The following JCAD variants were observed in gnomAD, a reference collection of about 807,000 sequenced individuals.
JCAD encodes junctional cadherin 5-associated protein.
JCAD carries 40 observed loss-of-function variants against 98.0 expected under a neutral mutation model. The ratio of observed to expected loss-of-function variants is 0.41; its 90% CI spans 0.32 to 0.53. The LOEUF is 0.53. JCAD is among the 20% of genes least tolerant of loss of function. JCAD has a pLI of 0.31. For synonymous variants in JCAD, 691 were observed against 682.3 expected (o/e 1.01, Z -0.20); for missense variants, 1,705 against 1,738.1 (o/e 0.98, Z 0.34).
At chr10:30,078,738 G>C (rs1838023509) in intron 1 of JCAD, among the ~76,000 whole-genome samples, 1 of 152,224 alleles carries the variant, frequency 6.6e-6, no homozygotes, top group East Asian at 1.9e-4. Flanking sequence ...CTTTTTAGAA[G>C]TAGATGTATC....
chr10:30,045,439 A>C (rs1837314747), intron 2 of JCAD, among the ~76,000 whole-genome samples: 2 of 152,226 alleles, frequency 1.3e-5, no homozygotes, highest in African/African-American at 4.8e-5. Flanking sequence ...AAATAACCAT[A>C]TATGCCCTGT....
chr10:30,025,949 T>C, intron 3 of JCAD, 154 bp downstream of exon 3: 1 of 869,252 alleles, frequency 1.2e-6, no homozygotes, highest in Non-Finnish European at 1.8e-6. Flanking sequence ...GGATAATTCT[T>C]CGAAAATGAG....
At chr10:30,046,425 C>T (rs2487929) in intron 2 of JCAD, among the ~76,000 whole-genome samples, 134,955 of 152,200 alleles carry the variant, frequency 0.89, 60,341 homozygotes, top group African/African-American at 0.93. Flanking sequence ...GGCCAGTGTG[C>T]GTGCAAGGAA....
At chr10:30,057,113 T>C (rs966670113) in intron 1 of JCAD, among the ~76,000 whole-genome samples, 2 of 152,162 alleles carry the variant, frequency 1.3e-5, no homozygotes, top group African/African-American at 4.8e-5. Context: ...CTTATCAAAA[T>C]AAAAAACACA....
At position 30,016,531 on chromosome 10, in the gene JCAD, C is replaced by T. The variant is rs1349281147; in HGVS notation, c.*1352G>A. The T allele has an allele frequency of 6.6e-6, 1 of 152,034 alleles. No homozygotes were observed. The highest frequency in any genetic ancestry group is 1.5e-5 in the Non-Finnish European group (1 of 68,006). 9.4% of individuals were successfully genotyped at this position (152,034 alleles called of 1,614,324 possible). A position where few individuals can be genotyped will look rare whatever the true frequency, so the allele number is the denominator to read the frequency against. On this transcript the variant is annotated 3_prime_UTR_variant, in exon 4 of 4. Coordinates refer to ENST00000375377, the MANE Select transcript of JCAD (RefSeq NM_020848.4). Reference sequence around the variant, plus strand: ...GTGCAGGTTAATGCAGTATTAAACACAGTAGAATACATAGGCCTCATAATG... The same window carrying T: ...GTGCAGGTTAATGCAGTATTAAACATAGTAGAATACATAGGCCTCATAATG...
At chr10:30,075,755 A>G (rs1360269041) in intron 1 of JCAD, among the ~76,000 whole-genome samples, 1 of 152,192 alleles carries the variant, frequency 6.6e-6, no homozygotes, top group African/African-American at 2.4e-5. Flanking sequence ...CAGGAAGGGG[A>G]AAAATGCATT....
intron 3 of JCAD, among the ~76,000 whole-genome samples, chr10:30,024,079 C>T (rs1415914607): frequency 1.3e-5 from 2 of 152,118 alleles, no homozygotes; most frequent in Admixed American, 6.5e-5. Context: ...GCAGGACAAT[C>T]GCTTGAGCCT....
rs1488696839 is a variant in JCAD, at chr10:30,016,496, C to T, written c.*1387G>A. On this transcript the variant is annotated 3_prime_UTR_variant, in exon 4 of 4. Coordinates refer to ENST00000375377, the MANE Select transcript of JCAD (RefSeq NM_020848.4). ...AAGGAAAAAAATGCATGAAAAAATG[C>T]ATAAACTTTGTGCAGGTTAATGCAG... 2 of 152,002 alleles carry T rather than the reference C, an allele frequency of 1.3e-5. No individual in the cohort carries two copies. 9.4% of individuals were successfully genotyped at this position (152,002 alleles called of 1,614,324 possible).
At chr10:30,075,216 C>G (rs554650239) in intron 1 of JCAD, among the ~76,000 whole-genome samples, 2 of 152,260 alleles carry the variant, frequency 1.3e-5, no homozygotes, top group East Asian at 3.9e-4. Flanking sequence ...CTGAATGAAA[C>G]AGGTTGGAGT....
intron 1 of JCAD, among the ~76,000 whole-genome samples, chr10:30,077,155 T>G (rs1052101917): frequency 6.6e-6 from 1 of 152,176 alleles, no homozygotes; most frequent in African/African-American, 2.4e-5. Context: ...CTAGTCTTCT[T>G]GGGCACAAGG....
intron 1 of JCAD, among the ~76,000 whole-genome samples, chr10:30,101,396 G>A (rs1364179775): frequency 2.0e-5 from 3 of 152,152 alleles, no homozygotes; most frequent in South Asian, 2.1e-4. Flanking sequence ...GTGACAGAGC[G>A]AGACTCAGTC....
intron 1 of JCAD, among the ~76,000 whole-genome samples, chr10:30,079,070 C>T (rs1231052562): frequency 2.0e-5 from 3 of 152,094 alleles, no homozygotes; most frequent in Non-Finnish European, 2.9e-5. Flanking sequence ...GTAATGCCAG[C>T]CTAGAAATCT....
chr10:30,105,841 T>C (rs1838568586), intron 1 of JCAD, among the ~76,000 whole-genome samples: 2 of 152,194 alleles, frequency 1.3e-5, no homozygotes, highest in Non-Finnish European at 2.9e-5. Context: ...ACGACTGCTT[T>C]TGATAAGTGT....
chr10:30,044,588 A>G (rs141330954), intron 2 of JCAD, among the ~76,000 whole-genome samples: 4 of 151,976 alleles, frequency 2.6e-5, no homozygotes, highest in African/African-American at 9.6e-5. Context: ...GCAAGACCAC[A>G]GCTGTGCTTT....
rs1836457998 is a variant in JCAD at position 30,013,122 on chromosome 10, G to A, written c.*4761C>T. 1.3e-5 allele frequency: 2 copies of A among 152,188 alleles called. No individual in the cohort carries two copies. The highest frequency in any genetic ancestry group is 6.5e-5 in the Admixed American group (1 of 15,270). The allele number at this position is 152,188 out of a possible 1,614,324, so 9.4% of individuals were successfully genotyped here. A position where few individuals can be genotyped will look rare whatever the true frequency, so the allele number is the denominator to read the frequency against. The stretch of plus-strand genomic sequence containing the variant: ...TTTCTACCTGTCTTAGGTATTAATG[G>A]TGCCCAAAGAAAAAATGAAGAGATG... On this transcript the variant is annotated 3_prime_UTR_variant, in exon 4 of 4. Transcript: ENST00000375377.
chr10:30,049,392 A>G (rs888776636), intron 1 of JCAD, among the ~76,000 whole-genome samples: 2 of 152,164 alleles, frequency 1.3e-5, no homozygotes, highest in Non-Finnish European at 2.9e-5. Flanking sequence ...GCTTCCTGTC[A>G]CTGGGAGCTC....
At chr10:30,045,685 G>C (rs1188613491) in intron 2 of JCAD, among the ~76,000 whole-genome samples, 1 of 152,178 alleles carries the variant, frequency 6.6e-6, no homozygotes, top group Non-Finnish European at 1.5e-5. Flanking sequence ...AGAAAGTGAA[G>C]GCCTTGACAG....
intron 1 of JCAD, among the ~76,000 whole-genome samples, chr10:30,089,453 C>T (rs183155597): frequency 3.1e-4 from 47 of 151,276 alleles, no homozygotes; most frequent in African/African-American, 8.8e-4. Flanking sequence ...GCTGTGTTTC[C>T]GTCTGTCAAA....
At chr10:30,084,866 T>C (rs12775951) in intron 1 of JCAD, among the ~76,000 whole-genome samples, 10 of 152,240 alleles carry the variant, frequency 6.6e-5, no homozygotes, top group African/African-American at 2.4e-4. Flanking sequence ...TCCATCTATC[T>C]ATCCATCTAC....
Sources: allele counts gnomAD v4.1 joint callset (sites outside exome capture counted in the v4.1 genomes callset), GRCh38; gene constraint gnomAD v4.1.1; transcripts MANE v1.5; gene names NCBI Gene and HGNC (gene_info 2026-07-23, HGNC 2026-07-21).